The following LPCAT3 variants were observed in gnomAD, a reference collection of about 807,000 sequenced individuals.
The protein encoded by LPCAT3 is lysophosphatidylcholine acyltransferase 3.
LPCAT3 carries 21 observed loss-of-function variants against 63.4 expected under a neutral mutation model. That is an observed-to-expected ratio of 0.33 (90% CI 0.23 to 0.48). The LOEUF (loss-of-function observed/expected upper bound fraction) is 0.48. LPCAT3 is among the 20% of genes least tolerant of loss of function. The pLI is 0.99. For synonymous variants in LPCAT3, 242 were observed against 227.5 expected (o/e 1.06, Z -0.58); for missense variants, 451 against 590.6 (o/e 0.76, Z 2.45).
At chr12:7,015,093 G>C (rs1000343388) in intron 1 of LPCAT3, among the ~76,000 whole-genome samples, 1 of 152,080 alleles carries the variant, frequency 6.6e-6, no homozygotes, top group Non-Finnish European at 1.5e-5. Context: ...TCTTACGATG[G>C]ATCTTAGTCA....
chr12:7,007,730 G>C (rs1249216764), intron 1 of LPCAT3, among the ~76,000 whole-genome samples: 1 of 151,792 alleles, frequency 6.6e-6, no homozygotes, highest in African/African-American at 2.4e-5. Flanking sequence ...CCTGACCTCA[G>C]GTGATCCACC....
chr12:6,981,363 C>T (rs1555154041), intron 5 of LPCAT3, 181 bp from the exon 6 acceptor site: 1 of 671,322 alleles, frequency 1.5e-6, no homozygotes, highest in African/African-American at 1.8e-5. Flanking sequence ...CTGGCTGTTG[C>T]TGCTTTAGCA....
intron 1 of LPCAT3, among the ~76,000 whole-genome samples, chr12:6,986,943 A>G (rs200701747): frequency 3.9e-5 from 6 of 151,932 alleles, no homozygotes; most frequent in Admixed American, 6.6e-5. Context: ...GTGAAACCCC[A>G]TCTCTACTAA....
At chr12:6,978,729 G>A (rs376806517) in intron 7 of LPCAT3, 40 bp from the exon 8 acceptor site, 85 of 1,608,816 alleles carry the variant, frequency 5.3e-5, no homozygotes, top group Non-Finnish European at 7.0e-5. Context: ...GATATCACAT[G>A]ACTAGGCAGT....
intron 5 of LPCAT3, 169 bp downstream of exon 5, chr12:6,981,426 C>A: frequency 1.3e-6 from 1 of 766,930 alleles, no homozygotes. Flanking sequence ...GGATCCTGGG[C>A]AAATTAGATT....
At position 6,986,683 on chromosome 12, in the gene LPCAT3, T is replaced by C. The variant is rs1012452800; in HGVS notation, c.152-3144A>G. On this transcript the variant is annotated intron_variant, in intron 1 of 12. Coordinates refer to ENST00000261407, the MANE Select transcript of LPCAT3 (RefSeq NM_005768.6). Reference sequence around the variant, plus strand: ...CTGTAGTCCCAGCTACTCAGGAGGCTGAGGCAGGGGAATCGCTTGAACCTG... The same window carrying C: ...CTGTAGTCCCAGCTACTCAGGAGGCCGAGGCAGGGGAATCGCTTGAACCTG... Among the ~76,000 whole-genome samples, 20 of 148,078 alleles carry C rather than the reference T, an allele frequency of 1.4e-4. No homozygotes were observed. The South Asian group carries it at 4.2e-3, about 31-fold the overall frequency.
chr12:7,011,647 C>CAAAAAAAAAAA (rs1177972639), intron 1 of LPCAT3, among the ~76,000 whole-genome samples: 1 of 75,734 alleles, frequency 1.3e-5, no homozygotes, highest in Non-Finnish European at 2.7e-5. Flanking sequence ...CACCATGTCT[C>CAAAAAAAAAAA]AAAAAAAAAA....
At position 6,977,758 on chromosome 12, in the gene LPCAT3, G is replaced by GTGGGTGGGGCGACCCTCAAAC; in HGVS notation, c.1041-34_1041-14dup. The GTGGGTGGGGCGACCCTCAAAC allele has an allele frequency of 6.2e-7, 1 of 1,613,892 alleles. No homozygotes were observed. Among genetic ancestry groups the GTGGGTGGGGCGACCCTCAAAC allele is most frequent in the Non-Finnish European group, 8.5e-7 (1 of 1,179,972 alleles). On this transcript the variant is annotated splice_polypyrimidine_tract_variant and intron_variant, in intron 9 of 12. Transcript: ENST00000261407. The surrounding 1 kb of genome is among the most constrained non-coding windows in gnomAD (Gnocchi z 4.5). ...TTTGAAGATGTAGCTGGAGAAAAGG[G>GTGGGTGGGGCGACCCTCAAAC]TGGGTGGGGCGACCCTCAAACTGAC...
chr12:6,992,214 T>C (rs1249081159), intron 1 of LPCAT3, among the ~76,000 whole-genome samples: 1 of 151,892 alleles, frequency 6.6e-6, no homozygotes, highest in Non-Finnish European at 1.5e-5. Flanking sequence ...TGCACACCTG[T>C]AGCCTCAGCT....
At chr12:6,989,406 T>C (rs979001934) in intron 1 of LPCAT3, among the ~76,000 whole-genome samples, 1 of 149,114 alleles carries the variant, frequency 6.7e-6, no homozygotes, top group African/African-American at 2.5e-5. Flanking sequence ...GCCTCCCGGG[T>C]TCACGCCATT....
At chr12:6,984,090 T>C (rs1351352768) in intron 1 of LPCAT3, among the ~76,000 whole-genome samples, 2 of 152,196 alleles carry the variant, frequency 1.3e-5, no homozygotes, top group African/African-American at 4.8e-5. Flanking sequence ...TGAGGAAAAA[T>C]ATAAATTAAT....
intron 1 of LPCAT3, among the ~76,000 whole-genome samples, chr12:6,991,521 T>C (rs1946590428): frequency 6.6e-6 from 1 of 152,216 alleles, no homozygotes; most frequent in East Asian, 1.9e-4. Context: ...AATTTCACCA[T>C]TGATTTCAGC....
chr12:6,995,326 T>A (rs1946627482), intron 1 of LPCAT3, among the ~76,000 whole-genome samples: 1 of 151,924 alleles, frequency 6.6e-6, no homozygotes, highest in African/African-American at 2.4e-5. Flanking sequence ...ATACAAAAAT[T>A]AGCCGGGCGT....
At chr12:6,990,377 C>T (rs1434407145) in intron 1 of LPCAT3, among the ~76,000 whole-genome samples, 5 of 148,288 alleles carry the variant, frequency 3.4e-5, no homozygotes, top group African/African-American at 5.0e-5. Flanking sequence ...GGTGTGGTGG[C>T]GGGCACCTGT....
intron 1 of LPCAT3, among the ~76,000 whole-genome samples, chr12:7,016,552 C>G (rs1435276268): frequency 6.6e-6 from 1 of 152,030 alleles, no homozygotes; most frequent in African/African-American, 2.4e-5. Context: ...GCCAGGATTA[C>G]AGGCATGTGC....
rs948006646 is a variant in LPCAT3 at position 6,987,160 on chromosome 12, G to T, written c.152-3621C>A. 3.3e-5 allele frequency among the ~76,000 whole-genome samples: 5 copies of T among 152,142 alleles called. No homozygotes were observed. Among genetic ancestry groups the T allele is most frequent in the Non-Finnish European group, 7.3e-5 (5 of 68,042 alleles). On this transcript the variant is annotated intron_variant, in intron 1 of 12. Coordinates refer to ENST00000261407, the MANE Select transcript of LPCAT3 (RefSeq NM_005768.6). The surrounding 1 kb of genome is among the most constrained non-coding windows in gnomAD (Gnocchi z 4.1). ...TATGAGGATTTTTGACTGTACAAGG[G>T]GTGGGATCCCATAGGACCTGCGCTG...
chr12:6,990,085 G>A (rs1247658695), intron 1 of LPCAT3, among the ~76,000 whole-genome samples: 1 of 151,908 alleles, frequency 6.6e-6, no homozygotes, highest in East Asian at 1.9e-4. Context: ...GCTGAGGCAG[G>A]AGGATCACCT....
chr12:6,978,459 T>C lies in LPCAT3; in HGVS notation c.922A>G (p.Lys308Glu), dbSNP rs1555153610. 2 of 1,614,018 alleles carry C rather than the reference T, an allele frequency of 1.2e-6. No homozygotes were observed. Among genetic ancestry groups the C allele is most frequent in the African/African-American group, 1.3e-5 (1 of 74,912 alleles). Residue 308 changes from lysine (K) to glutamate (E), a missense_variant, in exon 9 of 13, where the codon AAG (lysine) becomes GAG (glutamate). Physicochemically the swap from Lys to Glu is moderately conservative, Grantham distance 56 (BLOSUM62 1). This residue lies in a region of LPCAT3 where 304 missense variants were observed against 390.8 expected (regional missense o/e 0.78). Transcript: ENST00000261407. Reference protein sequence around the residue: ...TGLGFNGFEEKGKAKWDACAN... With the variant: ...TGLGFNGFEEEGKAKWDACAN... Reference sequence around the variant, plus strand: ...CAGGCATCCCACTTTGCCTTGCCCTTTTCTTCAAAGCCATTGAAGCCCAGG... The same window carrying C: ...CAGGCATCCCACTTTGCCTTGCCCTCTTCTTCAAAGCCATTGAAGCCCAGG...
intron 2 of LPCAT3, 37 bp from the exon 3 acceptor site, chr12:6,982,819 C>T (rs1555154320): frequency 9.5e-6 from 13 of 1,367,354 alleles, no homozygotes; most frequent in African/African-American, 1.4e-5. Flanking sequence ...CTGGTTTTTA[C>T]ACTCCCACCG....
Sources: gnomAD v4.1 joint callset for allele counts (sites outside exome capture counted in the v4.1 genomes callset) on GRCh38, gnomAD v4.1.1 for gene constraint, gnomAD v4.1.1 regional missense constraint, Gnocchi (gnomAD v3.1) non-coding constraint, MANE v1.5 for transcripts, NCBI Gene and HGNC (gene_info 2026-07-23, HGNC 2026-07-21) for gene names.